XAF1: variants seen among roughly 807,000 people sequenced by gnomAD.
XAF1 encodes XIAP-associated factor 1.
Under a neutral mutation model 32.3 loss-of-function variants are expected in XAF1, and 32 were observed. The observed-to-expected ratio is 0.99, with a 90% CI of 0.75 to 1.33. The LOEUF (loss-of-function observed/expected upper bound fraction) is 1.33, where lower values mean the gene tolerates loss of function less well. Among genes scored for constraint, XAF1 ranks in the 40% most tolerant of loss-of-function variants. The pLI is 0.00. For synonymous variants in XAF1, 120 were observed against 125.9 expected (o/e 0.95, Z 0.31); for missense variants, 379 against 366.0 (o/e 1.04, Z -0.29).
At chr17:6,758,636 G>T in intron 2 of XAF1, 1 of 335,540 alleles carries the variant, frequency 3.0e-6, no homozygotes, top group African/African-American at 2.2e-5. Flanking sequence ...GTGAGATGGG[G>T]TCTGGGAGGG....
chr17:6,771,319 C>T (rs1976018183), intron 6 of XAF1: 1 of 216,880 alleles, frequency 4.6e-6, no homozygotes, highest in South Asian at 8.7e-5. Flanking sequence ...CAGAGGATAC[C>T]CAGTCTATCT....
At position 6,770,664 on chromosome 17, in the gene XAF1, G is replaced by C; in HGVS notation, c.529G>C (p.Glu177Gln). 1.3e-6 allele frequency: 2 copies of C among 1,598,502 alleles called. No individual in the cohort carries two copies. The highest frequency in any genetic ancestry group is 1.7e-6 in the Non-Finnish European group (2 of 1,175,158). Residue 177 changes from glutamate (E) to glutamine (Q), a missense_variant, in exon 6 of 7, where the codon GAG (glutamate) becomes CAG (glutamine). By Grantham distance (29) the Glu-to-Gln change is conservative. Coordinates refer to ENST00000361842, the MANE Select transcript of XAF1 (RefSeq NM_017523.5). ...GCAGGGTAAATGTTGTCCAGACTCA[G>C]AGTTTAAGAAACACTTTCCTGTTGG... ...HHMGKCCPDS[E>Q]FKKHFPVGNP... is the part of the protein sequence containing the mutation.
chr17:6,771,479 T>G (rs1381706176), intron 6 of XAF1: 1 of 152,680 alleles, frequency 6.5e-6, no homozygotes, highest in Non-Finnish European at 1.5e-5. Flanking sequence ...ATCATGATTT[T>G]TATGTCCTAG....
intron 5 of XAF1, among the ~76,000 whole-genome samples, chr17:6,767,822 T>C (rs1975729455): frequency 6.6e-6 from 1 of 152,186 alleles, no homozygotes; most frequent in South Asian, 2.1e-4. Context: ...TCTTTCTTCT[T>C]TCCTACTGAT....
chr17:6,772,988 A>T (rs1976167803), intron 6 of XAF1, 125 bp from the exon 7 acceptor site: 4 of 823,844 alleles, frequency 4.9e-6, no homozygotes, highest in Non-Finnish European at 7.5e-6. Flanking sequence ...TTTCTATGCC[A>T]TTACACTCCA....
At chr17:6,756,172 A>T in intron 1 of XAF1, 62 bp downstream of exon 1, 1 of 1,599,152 alleles carries the variant, frequency 6.3e-7, no homozygotes. Context: ...TAGACGACAT[A>T]GGGCTGTTTC....
rs1312409633 is a variant in XAF1, at chr17:6,771,133, A to G, written c.849+149A>G. 5 of 744,968 alleles carry G rather than the reference A, an allele frequency of 6.7e-6. No individual in the cohort carries two copies. The African/African-American group carries it at 8.9e-5, about 13-fold the overall frequency. The allele number at this position is 744,968 out of a possible 1,614,324, so 46.1% of individuals were successfully genotyped here. A position where few individuals can be genotyped will look rare whatever the true frequency, so the allele number is the denominator to read the frequency against. ...ACTTCTCTGGGTGCCCAAATGCACT[A>G]TCTCGTAGCACTTACCACCTGGTTT... On this transcript the variant is annotated intron_variant, in intron 6 of 6. Coordinates refer to ENST00000361842, the MANE Select transcript of XAF1 (RefSeq NM_017523.5).
chr17:6,772,946 C>T, intron 6 of XAF1, 167 bp from the exon 7 acceptor site: 1 of 576,138 alleles, frequency 1.7e-6, no homozygotes. Flanking sequence ...TCGCAAGCCT[C>T]CTATACTTCT....
chr17:6,761,969 T>C (rs1282578571), intron 4 of XAF1, 186 bp from the exon 5 acceptor site: 1 of 1,528,420 alleles, frequency 6.5e-7, no homozygotes, highest in African/African-American at 1.4e-5. Flanking sequence ...AAGGAAATGA[T>C]GTGGGTGATT....
upstream of XAF1, chr17:6,755,848 C>A: frequency 7.3e-7 from 1 of 1,364,400 alleles, no homozygotes; most frequent in South Asian, 1.6e-5. Flanking sequence ...GTAGATGCGG[C>A]TGTGACAGCA....
chr17:6,755,827 G>C (rs955462), upstream of XAF1: 579,712 of 1,327,328 alleles, frequency 0.44, 135,176 homozygotes, highest in African/African-American at 0.87. Context: ...CAGGCTGCCA[G>C]CCTCAGGGAG....
In XAF1 at chr17:6,774,143, A is replaced by G. The variant is rs1369129460; in HGVS notation, c.*974A>G. 1 of 152,240 alleles carries G rather than the reference A, an allele frequency of 6.6e-6. No individual in the cohort carries two copies. The highest frequency in any genetic ancestry group is 1.5e-5 in the Non-Finnish European group (1 of 68,038). The allele number at this position is 152,240 out of a possible 1,614,324, so 9.4% of individuals were successfully genotyped here. A position where few individuals can be genotyped will look rare whatever the true frequency, so the allele number is the denominator to read the frequency against. ...TGGAGGCATCGCATTACCCAACTTC[A>G]AACTATACTACAGGGCTACAGTAAC... On this transcript the variant is annotated 3_prime_UTR_variant, in exon 7 of 7. Transcript: ENST00000361842.
At chr17:6,767,130 CTG>C (rs1427617164) in intron 5 of XAF1, among the ~76,000 whole-genome samples, 1 of 152,124 alleles carries the variant, frequency 6.6e-6, no homozygotes, top group African/African-American at 2.4e-5. Flanking sequence ...CCACTACACA[CTG>C]TATACATGTA....
chr17:6,758,554 G>A (rs1974903376), intron 2 of XAF1: 1 of 397,538 alleles, frequency 2.5e-6, no homozygotes, highest in Non-Finnish European at 4.8e-6. Flanking sequence ...GAGAGTCAAG[G>A]CGAGTGTTCA....
Position 6,758,160 on chromosome 17 carries a change from C to A in XAF1, c.104C>A (p.Pro35Gln). The change falls in exon 2 of 7, where the codon CCG (proline) becomes CAG (glutamine). Residue 35 changes from proline (P) to glutamine (Q), a missense_variant. Physicochemically the swap from Pro to Gln is moderately conservative, Grantham distance 76. Transcript: ENST00000361842. The stretch of plus-strand genomic sequence containing the variant: ...TGCCTGCGGTTCCTGGTCCTGTGTC[C>A]GGAGTGTGAGGAGCCTGTCCCCAAG... ...AYCLRFLVLC[P>Q]ECEEPVPKET... The A allele has an allele frequency of 6.2e-7, 1 of 1,614,176 alleles. No homozygotes were observed. The highest frequency in any genetic ancestry group is 8.5e-7 in the Non-Finnish European group (1 of 1,180,040).
In XAF1 at chr17:6,758,227, G is replaced by A. The variant is rs1218019610; in HGVS notation, c.168+3G>A. On this transcript the variant is annotated splice_donor_region_variant and intron_variant, in intron 2 of 6. Transcript: ENST00000361842. ...ACTGCAAGCTTGAGCACCAGCAGGTGAGGAGGCGGCAGGGAGGATGGGGTC... is the reference window on the plus strand; with the variant it reads ...ACTGCAAGCTTGAGCACCAGCAGGTAAGGAGGCGGCAGGGAGGATGGGGTC... 6.2e-7 allele frequency: 1 copy of A among 1,614,166 alleles called. No homozygotes were observed.
At chr17:6,761,278 C>T (rs1335990604) in intron 4 of XAF1, among the ~76,000 whole-genome samples, 1 of 152,218 alleles carries the variant, frequency 6.6e-6, no homozygotes, top group African/African-American at 2.4e-5. Context: ...AACCTACACA[C>T]AGAATAAAGC....
At chr17:6,756,580 G>GA (rs1423329055) in intron 1 of XAF1, among the ~76,000 whole-genome samples, 1 of 151,996 alleles carries the variant, frequency 6.6e-6, no homozygotes, top group South Asian at 2.1e-4. Flanking sequence ...CCTCTAACGG[G>GA]AGGGGGGGCG....
intron 6 of XAF1, chr17:6,771,711 A>G (rs1976047488): frequency 6.6e-6 from 1 of 152,204 alleles, no homozygotes; most frequent in Admixed American, 6.5e-5. Context: ...TATGCTCTTA[A>G]GCTCCAGATT....
Sources: gnomAD v4.1 joint callset for allele counts (sites outside exome capture counted in the v4.1 genomes callset) on GRCh38, gnomAD v4.1.1 for gene constraint, MANE v1.5 for transcripts, NCBI Gene and HGNC (gene_info 2026-07-23, HGNC 2026-07-21) for gene names.